Variants in DYNC2H1 observed in about 807,000 individuals in gnomAD.
The protein encoded by DYNC2H1 is dynein cytoplasmic 2 heavy chain 1, also known as cytoplasmic dynein 2 heavy chain 1.
In DYNC2H1, 410 loss-of-function variants were observed where a neutral mutation model predicts 570.0. That is an observed-to-expected ratio of 0.72 (90% CI 0.66 to 0.78). The LOEUF (loss-of-function observed/expected upper bound fraction) is 0.78. Among genes scored for constraint, DYNC2H1 ranks in the 30% least tolerant of loss-of-function variants. The pLI is 0.00. For missense variants in DYNC2H1, 4,865 were observed against 5,046.4 expected (o/e 0.96, Z 1.09); for synonymous variants, 1,688 against 1,677.6 (o/e 1.01, Z -0.15).
At chr11:103,458,962 G>A (rs1439922070) in intron 87 of DYNC2H1, among the ~76,000 whole-genome samples, 1 of 151,910 alleles carries the variant, frequency 6.6e-6, no homozygotes, top group Non-Finnish European at 1.5e-5. Flanking sequence ...GTGAGCCATT[G>A]CATATGGCCT....
chr11:103,242,224 G>A (rs189536942), intron 63 of DYNC2H1, among the ~76,000 whole-genome samples: 13 of 152,062 alleles, frequency 8.5e-5, no homozygotes, highest in African/African-American at 3.1e-4. Context: ...TACATACAAT[G>A]TTTTTTCTAA....
At position 103,117,583 on chromosome 11, in the gene DYNC2H1, TA is replaced by T. The variant is rs140435653; in HGVS notation, c.767-43del. ...AAGCATGTATTTTATAATTTTTCTA[TA>T]AAAATACATTTATTTCCCTTAAACT... On this transcript the variant is annotated intron_variant, in intron 5 of 88. Transcript: ENST00000375735. 9,612 of 1,369,938 alleles carry T rather than the reference TA, an allele frequency of 7.0e-3. 591 individuals carry two copies. The African/African-American group carries it at 0.13, about 18-fold the overall frequency. 84.9% of individuals were successfully genotyped at this position (1,369,938 alleles called of 1,614,324 possible). A position where few individuals can be genotyped will look rare whatever the true frequency, so the allele number is the denominator to read the frequency against.
intron 32 of DYNC2H1, 91 bp downstream of exon 32, chr11:103,169,051 G>A: frequency 8.7e-7 from 1 of 1,152,200 alleles, no homozygotes; most frequent in African/African-American, 1.6e-5. Context: ...TTTTATTTAA[G>A]TAGTAATTTT....
At chr11:103,234,481 G>A (rs1009889005) in intron 61 of DYNC2H1, among the ~76,000 whole-genome samples, 4 of 151,870 alleles carry the variant, frequency 2.6e-5, no homozygotes, top group Non-Finnish European at 5.9e-5. Flanking sequence ...AGTAATTTTA[G>A]GATTTGACAC....
rs772947230 is a variant in DYNC2H1 at position 103,282,244 on chromosome 11, CA to C, written c.10812+19del. 1 of 1,605,604 alleles carries C rather than the reference CA, an allele frequency of 6.2e-7. No individual in the cohort carries two copies. The highest frequency in any genetic ancestry group is 1.3e-5 in the African/African-American group (1 of 74,438). On this transcript the variant is annotated intron_variant, in intron 72 of 88. Coordinates refer to ENST00000375735, the MANE Select transcript of DYNC2H1 (RefSeq NM_001377.3). ...TACGGAAAGCTGTAAGTTAAAATAA[CA>C]AAATCTATTTTGCTCTTAAAGAAAA... is the stretch of plus-strand genomic sequence containing the variant.
chr11:103,244,149 G>A lies in DYNC2H1; in HGVS notation c.9918+358G>A, dbSNP rs618529. Among the ~76,000 whole-genome samples the A allele has an allele frequency of 0.24, 37,031 of 151,790 alleles. 5,051 individuals carry two copies. The highest frequency in any genetic ancestry group is 0.38 in the African/African-American group (15,738 of 41,438). ...AGCTTTTAAGTTAGCTTGGAGAATCGGAAAAGCCTTCTAGCCTTTTAGCAT... is the reference window on the plus strand; with the variant it reads ...AGCTTTTAAGTTAGCTTGGAGAATCAGAAAAGCCTTCTAGCCTTTTAGCAT... On this transcript the variant is annotated intron_variant, in intron 64 of 88. Transcript: ENST00000375735. This position sits in a 1 kb window ranked among gnomAD's most constrained non-coding sequence, Gnocchi z 4.3.
chr11:103,311,335 T>C (rs1006666460), intron 78 of DYNC2H1, among the ~76,000 whole-genome samples: 6 of 152,184 alleles, frequency 3.9e-5, no homozygotes, highest in African/African-American at 1.4e-4. Flanking sequence ...TTAAAGATTT[T>C]ATACTAGTCT....
At position 103,115,210 on chromosome 11, in the gene DYNC2H1, G is replaced by A. The variant is rs1223863177; in HGVS notation, c.536G>A (p.Trp179Ter). The A allele has an allele frequency of 8.1e-6, 13 of 1,610,048 alleles. No homozygotes were observed. The highest frequency in any genetic ancestry group is 9.3e-6 in the Non-Finnish European group (11 of 1,178,306). ...ACACCAAGCGATGAGTTCCAGTTTT[G>A]GATAGAACAAGCTCACCGTGGAAAT... Reference protein sequence around the residue: ...ILTPSDEFQFWIEQAHRGNKQ... With the variant: ...ILTPSDEFQF Residue 179 changes from tryptophan to a stop codon, truncating the protein, a stop_gained, in exon 4 of 89, where the codon TGG becomes TAG. Transcript: ENST00000375735. LOFTEE classifies it high-confidence loss of function.
intron 17 of DYNC2H1, among the ~76,000 whole-genome samples, chr11:103,137,750 C>A (rs1222848789): frequency 6.6e-6 from 1 of 152,026 alleles, no homozygotes; most frequent in Non-Finnish European, 1.5e-5. Flanking sequence ...GTAGTTTTTT[C>A]CAATTCTGTG....
Position 103,321,155 on chromosome 11 carries a change from C to T in DYNC2H1, c.11852C>T (p.Ser3951Leu). The T allele has an allele frequency of 6.2e-7, 1 of 1,611,918 alleles. No individual in the cohort carries two copies. The highest frequency in any genetic ancestry group is 1.1e-5 in the South Asian group (1 of 90,802). Residue 3951 changes from serine to leucine, a missense_variant, in exon 81 of 89, where the codon TCA becomes TTA. This residue lies in a region of DYNC2H1 where 2,401 missense variants were observed against 2,454.6 expected (regional missense o/e 0.98). Coordinates refer to ENST00000375735, the MANE Select transcript of DYNC2H1 (RefSeq NM_001377.3). ...QSYLKQFFNS[S>L]VIDVFNQRNK... Reference sequence around the variant, plus strand: ...TACCTGAAGCAGTTTTTTAATTCTTCAGTTATTGATGTATTCAACCAAAGG... The same window carrying T: ...TACCTGAAGCAGTTTTTTAATTCTTTAGTTATTGATGTATTCAACCAAAGG...
chr11:103,163,195 G>T lies in DYNC2H1; in HGVS notation c.4611+48G>T, dbSNP rs780435519. On this transcript the variant is annotated intron_variant, in intron 30 of 88. Coordinates refer to ENST00000375735, the MANE Select transcript of DYNC2H1 (RefSeq NM_001377.3). This position sits in a 1 kb window ranked among gnomAD's most constrained non-coding sequence, Gnocchi z 4.6. ...GCTACATAGGCATGGAACGTGGAAA[G>T]ATCCCTGACCTAGAAGCCAGGAGGC... The T allele has an allele frequency of 6.5e-7, 1 of 1,544,580 alleles. No individual in the cohort carries two copies. Among genetic ancestry groups the T allele is most frequent in the Non-Finnish European group, 8.7e-7 (1 of 1,143,962 alleles).
chr11:103,452,869 T>C (rs1944658857), intron 85 of DYNC2H1, among the ~76,000 whole-genome samples: 1 of 152,066 alleles, frequency 6.6e-6, no homozygotes, highest in Admixed American at 6.5e-5. Context: ...TCCTACTACA[T>C]AATCAACATT....
At position 103,135,952 on chromosome 11, in the gene DYNC2H1, T is replaced by G. The variant is rs752756164; in HGVS notation, c.2574+4T>G. 1 of 1,571,284 alleles carries G rather than the reference T, an allele frequency of 6.4e-7. No homozygotes were observed. Among genetic ancestry groups the G allele is most frequent in the Non-Finnish European group, 8.6e-7 (1 of 1,157,920 alleles). ...AGCTGTTTTACACCAACATAAGGTA[T>G]AGAACATGTAATGTTCCATCCTTCC... On this transcript the variant is annotated splice_donor_region_variant and intron_variant, in intron 17 of 88. Coordinates refer to ENST00000375735, the MANE Select transcript of DYNC2H1 (RefSeq NM_001377.3).
At chr11:103,156,870 G>C in intron 26 of DYNC2H1, 100 bp downstream of exon 26, 1 of 1,400,864 alleles carries the variant, frequency 7.1e-7, no homozygotes. Context: ...TTACATGATT[G>C]GTATCCTCTG....
chr11:103,171,413 G>A lies in DYNC2H1; in HGVS notation c.5334+345G>A, dbSNP rs561885998. 2.6e-5 allele frequency among the ~76,000 whole-genome samples: 4 copies of A among 151,934 alleles called. No individual in the cohort carries two copies. In the East Asian group the frequency reaches 5.8e-4, roughly 22 times the overall value. On this transcript the variant is annotated intron_variant, in intron 34 of 88. Transcript: ENST00000375735. The stretch of plus-strand genomic sequence containing the variant: ...TGGGATTACAGGTGCCCGCCACCAC[G>A]CCCAGCTAATTTTTGTATTTTTAGT...
intron 38 of DYNC2H1, among the ~76,000 whole-genome samples, chr11:103,178,191 T>G (rs1012884205): frequency 1.3e-5 from 2 of 152,154 alleles, no homozygotes; most frequent in African/African-American, 2.4e-5. Context: ...ATTAACTCAT[T>G]AGTTTGAATA....
At chr11:103,158,225 A>G (rs1405028857) in intron 26 of DYNC2H1, among the ~76,000 whole-genome samples, 2 of 152,190 alleles carry the variant, frequency 1.3e-5, no homozygotes, top group Non-Finnish European at 2.9e-5. Context: ...AGGCGGGCGG[A>G]TCACGAGGTC....
intron 56 of DYNC2H1, among the ~76,000 whole-genome samples, 166 bp downstream of exon 56, chr11:103,220,194 G>T (rs1169291359): frequency 6.6e-6 from 1 of 152,130 alleles, no homozygotes; most frequent in Non-Finnish European, 1.5e-5. Context: ...AGCCTTCCAG[G>T]AAAAGTATAA....
rs181809304 is a variant in DYNC2H1 at position 103,189,845 on chromosome 11, A to T, written c.7437+29A>T. 6.4e-7 allele frequency: 1 copy of T among 1,565,740 alleles called. No homozygotes were observed. The highest frequency in any genetic ancestry group is 1.4e-5 in the African/African-American group (1 of 72,928). On this transcript the variant is annotated intron_variant, in intron 45 of 88. Coordinates refer to ENST00000375735, the MANE Select transcript of DYNC2H1 (RefSeq NM_001377.3). The surrounding 1 kb of genome is among the most constrained non-coding windows in gnomAD (Gnocchi z 4.3). The stretch of plus-strand genomic sequence containing the variant: ...GATATGCATCTAAATTGTAGCTTTC[A>T]TGTCTATTAGTATCATTTCTAAAGG...
Sources: gnomAD v4.1 joint callset for allele counts (sites outside exome capture counted in the v4.1 genomes callset) on GRCh38, gnomAD v4.1.1 for gene constraint, gnomAD v4.1.1 regional missense constraint, Gnocchi (gnomAD v3.1) non-coding constraint, MANE v1.5 for transcripts, NCBI Gene and HGNC (gene_info 2026-07-23, HGNC 2026-07-21) for gene names.